SYTL5: variants seen among roughly 807,000 people sequenced by gnomAD.
SYTL5 encodes the protein synaptotagmin-like protein 5.
In SYTL5, 34 loss-of-function variants were observed where a neutral mutation model predicts 55.9. That is an observed-to-expected ratio of 0.61 (90% CI 0.46 to 0.81). The LOEUF (loss-of-function observed/expected upper bound fraction) is 0.81, where lower values mean the gene tolerates loss of function less well. SYTL5 is among the 30% of genes least tolerant of loss of function. SYTL5 has a pLI of 0.00. For synonymous variants in SYTL5, 221 were observed against 188.7 expected (o/e 1.17, Z -1.40); for missense variants, 637 against 546.7 (o/e 1.17, Z -1.65).
At chrX:37,913,765 G>T in the SYTL5 span, among the ~76,000 whole-genome samples, 193 of 112,225 alleles carry the variant, frequency 1.7e-3, 1 homozygote, top group African/African-American at 6.1e-3. Context: ...TTCTCAGAGG[G>T]TCTAACTAAG....
chrX:38,012,092 C>G (rs1934210360), intron 1 of SYTL5, among the ~76,000 whole-genome samples: 1 of 111,919 alleles, frequency 8.9e-6, no homozygotes, highest in South Asian at 3.7e-4. Context: ...TAACAGTCGA[C>G]TTATCCAGGC....
the SYTL5 span, among the ~76,000 whole-genome samples, chrX:37,903,028 A>G: frequency 8.0e-5 from 9 of 111,824 alleles, no homozygotes; most frequent in African/African-American, 2.9e-4. Flanking sequence ...TAGAATGGCA[A>G]TCATTAAAAA....
At chrX:37,990,593 C>A in the SYTL5 span, among the ~76,000 whole-genome samples, 6 of 111,923 alleles carry the variant, frequency 5.4e-5, no homozygotes, top group African/African-American at 1.6e-4. Context: ...CCCTCAAAAT[C>A]AAGGTTCAGT....
chrX:37,957,533 G>A, the SYTL5 span, among the ~76,000 whole-genome samples: 2 of 111,712 alleles, frequency 1.8e-5, no homozygotes, highest in African/African-American at 3.3e-5. Context: ...TTACTGAGAG[G>A]ACTCTTTCCC....
At chrX:38,063,906 G>C (rs1936023271) in intron 3 of SYTL5, among the ~76,000 whole-genome samples, 1 of 111,119 alleles carries the variant, frequency 9.0e-6, no homozygotes. Context: ...CTCAATGGTG[G>C]GATTCTTAAA....
the SYTL5 span, among the ~76,000 whole-genome samples, chrX:37,902,590 TAA>T: frequency 8.9e-6 from 1 of 112,074 alleles, no homozygotes; most frequent in East Asian, 2.8e-4. Flanking sequence ...TGTATACATA[TAA>T]TTGACATGCT....
the SYTL5 span, among the ~76,000 whole-genome samples, chrX:37,966,551 C>A: frequency 1.9e-5 from 2 of 106,207 alleles, no homozygotes; most frequent in Non-Finnish European, 3.9e-5. Context: ...GATTCTCCTG[C>A]CTCAGCCTCC....
At chrX:38,056,949 G>A (rs950512875) in intron 3 of SYTL5, among the ~76,000 whole-genome samples, 3 of 111,536 alleles carry the variant, frequency 2.7e-5, no homozygotes, top group Non-Finnish European at 5.7e-5. Context: ...TCACTTTGTT[G>A]ACTGTATCCT....
chrX:38,058,800 G>A (rs1355198971), intron 3 of SYTL5, among the ~76,000 whole-genome samples: 2 of 110,811 alleles, frequency 1.8e-5, no homozygotes, highest in Non-Finnish European at 3.8e-5. Context: ...CTATTTTGAT[G>A]TTCCTAGAAC....
chrX:38,036,638 G>C (rs920331060), intron 2 of SYTL5, among the ~76,000 whole-genome samples: 3 of 112,092 alleles, frequency 2.7e-5, no homozygotes, highest in African/African-American at 9.7e-5. Flanking sequence ...ATATGACTCA[G>C]GCTTCACCAC....
chrX:37,892,304 A>G, the SYTL5 span, among the ~76,000 whole-genome samples: 2 of 109,033 alleles, frequency 1.8e-5, no homozygotes, highest in South Asian at 3.8e-4. Context: ...ATATTAAAGC[A>G]ACTTCTCAGA....
the SYTL5 span, among the ~76,000 whole-genome samples, chrX:37,900,617 T>G: frequency 1.8e-5 from 2 of 111,955 alleles, no homozygotes; most frequent in South Asian, 7.5e-4. Context: ...ATAATTCACT[T>G]TGAATTCTAA....
chrX:38,041,632 A>T (rs1010252641), intron 2 of SYTL5, among the ~76,000 whole-genome samples: 2 of 112,092 alleles, frequency 1.8e-5, no homozygotes, highest in Non-Finnish European at 3.8e-5. Context: ...CCTAGCAAAG[A>T]CCTTACCAAT....
chrX:37,990,971 C>T, the SYTL5 span: 1 of 1,210,182 alleles, frequency 8.3e-7, no homozygotes, highest in Non-Finnish European at 1.1e-6. Context: ...ACGTCCAAAG[C>T]CAGAGTTCCT....
the SYTL5 span, among the ~76,000 whole-genome samples, chrX:37,973,844 A>C: frequency 1.3e-4 from 14 of 110,588 alleles, no homozygotes; most frequent in African/African-American, 4.6e-4. Flanking sequence ...GGTTTCACCA[A>C]GTTGGCCAGG....
rs767205077 is a variant in SYTL5, at chrX:38,125,270, G to T, written c.1842-28G>T. On this transcript the variant is annotated intron_variant, in intron 15 of 16. Coordinates refer to ENST00000297875, the MANE Select transcript of SYTL5 (RefSeq NM_138780.3). ...GACATTTTCTGTCTGCTGTCTTATT[G>T]ATGATTTGATTGTTTTTTCTCATGC... 46 of 1,175,082 alleles carry T rather than the reference G, an allele frequency of 3.9e-5. 1 individual carries two copies. The highest frequency in any genetic ancestry group is 2.3e-4 in the Middle Eastern group (1 of 4,289).
chrX:38,023,695 C>T (rs994664416), intron 1 of SYTL5, among the ~76,000 whole-genome samples: 8 of 111,176 alleles, frequency 7.2e-5, no homozygotes, highest in South Asian at 3.9e-4. Flanking sequence ...TTTCCAGCTT[C>T]GAGAGCTTCT....
the SYTL5 span, among the ~76,000 whole-genome samples, chrX:37,917,033 A>G: frequency 8.9e-6 from 1 of 111,845 alleles, no homozygotes; most frequent in East Asian, 2.8e-4. Flanking sequence ...TAGAAAGTCC[A>G]TAACTGGGAT....
the SYTL5 span, among the ~76,000 whole-genome samples, chrX:37,965,377 C>A: frequency 2.2e-4 from 24 of 111,457 alleles, no homozygotes; most frequent in African/African-American, 7.2e-4. Flanking sequence ...ATTTGTTATT[C>A]AAAAGTGTGT....
Sources: allele counts gnomAD v4.1 joint callset (sites outside exome capture counted in the v4.1 genomes callset), GRCh38; gene constraint gnomAD v4.1.1; transcripts MANE v1.5; gene names NCBI Gene and HGNC (gene_info 2026-07-23, HGNC 2026-07-21).